CPVL: variants seen among roughly 807,000 people sequenced by gnomAD.
CPVL encodes the protein carboxypeptidase vitellogenic like.
In CPVL, 51 loss-of-function variants were observed where a neutral mutation model predicts 63.7. The observed-to-expected ratio is 0.80, with a 90% confidence interval of 0.64 to 1.01. The LOEUF (loss-of-function observed/expected upper bound fraction) is 1.01. Among genes scored for constraint, CPVL ranks in the 50% least tolerant of loss-of-function variants. The probability of loss-of-function intolerance (pLI) is 0.00; values close to 1 mark genes in which losing one functional copy is unlikely to be tolerated. For synonymous variants in CPVL, 195 were observed against 206.0 expected, an observed-to-expected ratio of 0.95 and a Z score of 0.46; for missense variants, 530 against 573.1, an observed-to-expected ratio of 0.92 and a Z score of 0.77.
intron 2 of CPVL, among the ~76,000 whole-genome samples, chr7:29,116,809 T>G (rs562690361): frequency 6.6e-6 from 1 of 152,232 alleles, no homozygotes; most frequent in Admixed American, 6.5e-5. Context: ...AAAGTAAACA[T>G]GCAATTACAA....
intron 4 of CPVL, among the ~76,000 whole-genome samples, chr7:29,181,783 C>CT (rs1798087329): frequency 6.6e-6 from 1 of 152,098 alleles, no homozygotes. Flanking sequence ...TCCTAACAAA[C>CT]TTTTTTTCCA....
Position 29,166,714 on chromosome 7 carries a change from C to T in CPVL, c.-11+14576G>A, listed in dbSNP as rs997808932. On this transcript the variant is annotated intron_variant, in intron 5 of 16. Transcript: ENST00000409850. ...ACAACTGTATTGGTATCCTCTCTCT[C>T]ATTTCTATAATTAATAATTTGTATC... is the stretch of plus-strand genomic sequence containing the variant. Among the ~76,000 whole-genome samples the T allele has an allele frequency of 5.9e-5, 9 of 152,146 alleles. No individual in the cohort carries two copies. The South Asian group carries it at 1.9e-3, about 32-fold the overall frequency.
At chr7:29,027,499 A>C (rs1787612410) in intron 12 of CPVL, among the ~76,000 whole-genome samples, 1 of 152,220 alleles carries the variant, frequency 6.6e-6, no homozygotes, top group South Asian at 2.1e-4. Context: ...TAAGAAAAAG[A>C]AACAAAAGGC....
intron 3 of CPVL, among the ~76,000 whole-genome samples, chr7:29,108,947 G>A (rs1029981480): frequency 3.9e-5 from 6 of 152,150 alleles, no homozygotes; most frequent in Admixed American, 2.6e-4. Flanking sequence ...TTTCCACATC[G>A]GAGGCCTAAT....
chr7:29,072,489 G>A (rs772106182), intron 7 of CPVL, 66 bp from the exon 8 acceptor site: 1 of 1,560,702 alleles, frequency 6.4e-7, no homozygotes, highest in Non-Finnish European at 8.8e-7. Flanking sequence ...ATGTACTTAA[G>A]CTAATTAAAA....
At chr7:29,194,128 C>T (rs1362196127) in intron 1 of CPVL, 1 of 152,774 alleles carries the variant, frequency 6.5e-6, no homozygotes, top group Admixed American at 6.5e-5. Flanking sequence ...CTGGATCCCC[C>T]ACCCCCACTG....
At chr7:29,117,081 A>G (rs1466834790) in intron 2 of CPVL, among the ~76,000 whole-genome samples, 2 of 152,230 alleles carry the variant, frequency 1.3e-5, no homozygotes, top group Admixed American at 1.3e-4. Flanking sequence ...ACCCAGATGT[A>G]CCAGATTTTG....
intron 11 of CPVL, among the ~76,000 whole-genome samples, chr7:29,046,615 A>G (rs1789647063): frequency 6.6e-6 from 1 of 152,016 alleles, no homozygotes; most frequent in Non-Finnish European, 1.5e-5. Flanking sequence ...GGTCTTTGAA[A>G]ATACAGCACA....
chr7:29,008,227 G>A (rs1785405327), intron 12 of CPVL, among the ~76,000 whole-genome samples: 1 of 152,180 alleles, frequency 6.6e-6, no homozygotes. Context: ...GCAAAGGAGG[G>A]AGAGGGTAAG....
At chr7:29,001,710 T>C (rs1278441967) in intron 12 of CPVL, among the ~76,000 whole-genome samples, 1 of 152,172 alleles carries the variant, frequency 6.6e-6, no homozygotes, top group Non-Finnish European at 1.5e-5. Flanking sequence ...TTGAATAGAA[T>C]GAGAAAAGGA....
chr7:29,123,418 A>G (rs1789573143), intron 1 of CPVL, among the ~76,000 whole-genome samples: 1 of 151,764 alleles, frequency 6.6e-6, no homozygotes, highest in East Asian at 1.9e-4. Flanking sequence ...ACTATAATAA[A>G]GAACAAAATG....
intron 3 of CPVL, among the ~76,000 whole-genome samples, chr7:29,106,513 A>G (rs139537761): frequency 6.6e-6 from 1 of 152,188 alleles, no homozygotes; most frequent in Non-Finnish European, 1.5e-5. Context: ...GAAAAAGCCA[A>G]AGGCAGGACA....
rs10568146 is a variant in CPVL at position 29,103,180 on chromosome 7, T to TGGGGGGG, written c.289-6970_289-6964dup. Among the ~76,000 whole-genome samples the TGGGGGGG allele has an allele frequency of 8.5e-4, 48 of 56,142 alleles. 11 individuals are homozygous for TGGGGGGG. The highest frequency in any genetic ancestry group is 3.8e-3 in the Admixed American group (11 of 2,894). The allele number at this position is 56,142 out of a possible 152,430, so 36.8% of individuals were successfully genotyped here. On this transcript the variant is annotated intron_variant, in intron 3 of 12. Coordinates refer to ENST00000265394, the MANE Select transcript of CPVL (RefSeq NM_031311.5). ...TCACTGAAACAGTAAGTTAATATACTGGGGGGGGGGGGGGGGTGCTAAAAA... is the reference window on the plus strand; with the variant it reads ...TCACTGAAACAGTAAGTTAATATACTGGGGGGGGGGGGGGGGGGGGGGGTGCTAAAAA...
chr7:29,051,496 C>A (rs930214877), intron 11 of CPVL, among the ~76,000 whole-genome samples: 4 of 152,016 alleles, frequency 2.6e-5, no homozygotes, highest in African/African-American at 4.8e-5. Flanking sequence ...TATGAAAAAA[C>A]GCTCAACATC....
intron 11 of CPVL, among the ~76,000 whole-genome samples, chr7:29,032,035 A>G (rs1788069879): frequency 6.6e-6 from 1 of 152,144 alleles, no homozygotes; most frequent in African/African-American, 2.4e-5. Context: ...TAACATATTA[A>G]TTATCATAAA....
intron 1 of CPVL, among the ~76,000 whole-genome samples, chr7:29,141,692 G>A (rs965416960): frequency 1.3e-5 from 2 of 152,208 alleles, no homozygotes; most frequent in African/African-American, 4.8e-5. Flanking sequence ...TAAGGCAGGC[G>A]GATCATGAGG....
chr7:29,085,499 C>G (rs569007875), intron 7 of CPVL, among the ~76,000 whole-genome samples: 122 of 152,170 alleles, frequency 8.0e-4, no homozygotes, highest in African/African-American at 2.7e-3. Context: ...AGGTGATATC[C>G]ACAGAAAGAT....
At chr7:29,110,686 G>A (rs1470862581) in intron 3 of CPVL, among the ~76,000 whole-genome samples, 1 of 152,220 alleles carries the variant, frequency 6.6e-6, no homozygotes, top group East Asian at 1.9e-4. Context: ...AGATGTTAGT[G>A]TCTTAATTCC....
chr7:29,088,848 G>A (rs1007035607), intron 6 of CPVL, among the ~76,000 whole-genome samples: 7 of 152,128 alleles, frequency 4.6e-5, no homozygotes, highest in African/African-American at 1.4e-4. Flanking sequence ...GGTGGTGGGC[G>A]CCTGTAGTCC....
Sources: allele counts gnomAD v4.1 joint callset (sites outside exome capture counted in the v4.1 genomes callset), GRCh38; gene constraint gnomAD v4.1.1; transcripts MANE v1.5; gene names NCBI Gene and HGNC (gene_info 2026-07-23, HGNC 2026-07-21).